SPOCK3: variants seen among roughly 807,000 people sequenced by gnomAD.
The protein encoded by SPOCK3 is SPARC (osteonectin), cwcv and kazal like domains proteoglycan 3, also known as testican-3.
A neutral mutation model predicts 56.6 loss-of-function variants in SPOCK3; 30 were observed. The ratio of observed to expected loss-of-function variants is 0.53; its 90% CI spans 0.40 to 0.72. SPOCK3 has a LOEUF of 0.72. Among genes scored for constraint, SPOCK3 ranks in the 30% least tolerant of loss-of-function variants. The pLI, the probability that SPOCK3 is intolerant of heterozygous loss-of-function variation, is 0.00. For missense variants in SPOCK3, 527 were observed against 530.0 expected (o/e 0.99, Z 0.06); for synonymous variants, 196 against 183.3 (o/e 1.07, Z -0.56).
At chr4:166,981,717 T>G (rs1421710225) in intron 4 of SPOCK3, among the ~76,000 whole-genome samples, 2 of 152,170 alleles carry the variant, frequency 1.3e-5, no homozygotes, top group Non-Finnish European at 2.9e-5. Context: ...AAGACGGGTT[T>G]CACCAGGCAC....
intron 6 of SPOCK3, among the ~76,000 whole-genome samples, chr4:166,800,279 C>G (rs568537540): frequency 6.8e-6 from 1 of 146,836 alleles, no homozygotes; most frequent in African/African-American, 2.5e-5. Context: ...TATCTGATTA[C>G]AAGCGAATTT....
At position 167,048,685 on chromosome 4, in the gene SPOCK3, C is replaced by A. The variant is rs62352384; in HGVS notation, c.235+13807G>T. ...ATTTTATGGTTTTCTAAATCTAAGG[C>A]CATATTAATTCATTTCTGATTAAGT... is the stretch of plus-strand genomic sequence containing the variant. On this transcript the variant is annotated intron_variant, in intron 3 of 10. Coordinates refer to ENST00000357545, the MANE Select transcript of SPOCK3 (RefSeq NM_001040159.2). Among the ~76,000 whole-genome samples the A allele has an allele frequency of 7.6e-3, 1,163 of 152,202 alleles. 6 individuals are homozygous for A. Among genetic ancestry groups the A allele is most frequent in the Non-Finnish European group, 0.011 (737 of 68,000 alleles).
chr4:166,790,999 A>C (rs193097575), intron 7 of SPOCK3, among the ~76,000 whole-genome samples: 1 of 152,326 alleles, frequency 6.6e-6, no homozygotes, highest in African/African-American at 2.4e-5. Context: ...AGGCATCAAA[A>C]TATTTACATT....
chr4:166,746,313 A>T (rs564007169), intron 8 of SPOCK3, among the ~76,000 whole-genome samples: 1 of 152,356 alleles, frequency 6.6e-6, no homozygotes, highest in African/African-American at 2.4e-5. Context: ...AGTGCAATCA[A>T]ATTAGAACTC....
chr4:167,219,090 T>C (rs1735644498), intron 2 of SPOCK3, among the ~76,000 whole-genome samples: 1 of 152,192 alleles, frequency 6.6e-6, no homozygotes. Context: ...TTAATGCTGT[T>C]GATACAATGT....
chr4:166,990,807 C>T (rs1035322632), intron 4 of SPOCK3, among the ~76,000 whole-genome samples: 5 of 151,832 alleles, frequency 3.3e-5, no homozygotes, highest in Non-Finnish European at 7.4e-5. Context: ...CACTGGAAAT[C>T]ACATTATTAA....
chr4:166,877,769 TACAAGTGATTTTAC>T (rs1158128768), intron 6 of SPOCK3, among the ~76,000 whole-genome samples: 2 of 152,164 alleles, frequency 1.3e-5, no homozygotes, highest in Non-Finnish European at 2.9e-5. Context: ...ACAACTTCAT[TACAAGTGATTTTAC>T]ATTTAACTGA....
At chr4:167,209,212 G>A (rs1734632552) in intron 2 of SPOCK3, among the ~76,000 whole-genome samples, 1 of 152,058 alleles carries the variant, frequency 6.6e-6, no homozygotes, top group African/African-American at 2.4e-5. Flanking sequence ...GATATGGAAT[G>A]TTCCATGTTA....
At chr4:166,868,134 C>A (rs191060675) in intron 6 of SPOCK3, among the ~76,000 whole-genome samples, 3 of 151,742 alleles carry the variant, frequency 2.0e-5, no homozygotes, top group African/African-American at 7.3e-5. Context: ...GTTACACATT[C>A]TGGAAGCAAA....
chr4:166,976,458 C>T (rs1450280280), intron 4 of SPOCK3, among the ~76,000 whole-genome samples: 1 of 152,104 alleles, frequency 6.6e-6, no homozygotes, highest in African/African-American at 2.4e-5. Flanking sequence ...TAACTAGGGG[C>T]TTGAATTTTG....
intron 7 of SPOCK3, among the ~76,000 whole-genome samples, chr4:166,778,067 G>A (rs1207130030): frequency 6.6e-6 from 1 of 152,044 alleles, no homozygotes; most frequent in African/African-American, 2.4e-5. Context: ...TAATCCCTTG[G>A]AAAGCACCAG....
chr4:167,036,858 A>G (rs952624228), intron 3 of SPOCK3, among the ~76,000 whole-genome samples: 2 of 151,896 alleles, frequency 1.3e-5, no homozygotes, highest in African/African-American at 2.4e-5. Flanking sequence ...TATCAACAAC[A>G]AAAAAAATAT....
intron 2 of SPOCK3, among the ~76,000 whole-genome samples, chr4:167,145,639 T>C (rs1027672142): frequency 1.3e-5 from 2 of 151,804 alleles, no homozygotes; most frequent in Non-Finnish European, 2.9e-5. Flanking sequence ...GAAAGAAAGA[T>C]CTGGGGGCCA....
chr4:166,803,411 G>C (rs953429529), intron 6 of SPOCK3, among the ~76,000 whole-genome samples: 2 of 152,058 alleles, frequency 1.3e-5, no homozygotes. Context: ...AGGCATTTGG[G>C]CAGTAGTAAT....
intron 6 of SPOCK3, among the ~76,000 whole-genome samples, chr4:166,874,849 ATAG>A (rs1441003901): frequency 1.3e-5 from 2 of 152,214 alleles, no homozygotes; most frequent in Non-Finnish European, 2.9e-5. Flanking sequence ...TAGAATTTTA[ATAG>A]TAACTCTTTT....
At chr4:166,835,129 T>C (rs1428024950) in intron 6 of SPOCK3, among the ~76,000 whole-genome samples, 2 of 152,096 alleles carry the variant, frequency 1.3e-5, no homozygotes, top group African/African-American at 4.8e-5. Flanking sequence ...CTTACATTTA[T>C]CTATAAAATT....
At chr4:167,066,422 T>A (rs1407011514) in intron 2 of SPOCK3, among the ~76,000 whole-genome samples, 15 of 151,782 alleles carry the variant, frequency 9.9e-5, no homozygotes. Context: ...GGAAGAAAAA[T>A]TCACTCATTT....
chr4:167,057,090 G>A (rs907857490), intron 3 of SPOCK3, among the ~76,000 whole-genome samples: 8 of 152,242 alleles, frequency 5.3e-5, no homozygotes, highest in South Asian at 2.1e-4. Context: ...CGGATCTCTC[G>A]GCAGAAACTC....
At chr4:166,956,286 G>A (rs1047604249) in intron 4 of SPOCK3, among the ~76,000 whole-genome samples, 1 of 151,916 alleles carries the variant, frequency 6.6e-6, no homozygotes, top group African/African-American at 2.4e-5. Context: ...TGATGTATGA[G>A]TTAGGCACAG....
Sources: gnomAD v4.1 joint callset for allele counts (sites outside exome capture counted in the v4.1 genomes callset) on GRCh38, gnomAD v4.1.1 for gene constraint, MANE v1.5 for transcripts, NCBI Gene and HGNC (gene_info 2026-07-23, HGNC 2026-07-21) for gene names.